The following CAMK2D variants were observed in gnomAD, a reference collection of about 807,000 sequenced individuals.
The protein encoded by CAMK2D is calcium/calmodulin-dependent protein kinase type II subunit delta.
In CAMK2D, 37 loss-of-function variants were observed where a neutral mutation model predicts 84.0. The ratio of observed to expected loss-of-function variants is 0.44; its 90% confidence interval spans 0.34 to 0.58. The LOEUF is 0.58. Ranked by LOEUF, CAMK2D falls within the 20% of genes least tolerant of loss-of-function variation. CAMK2D has a pLI of 0.02. For synonymous variants in CAMK2D, 202 were observed against 212.5 expected, an observed-to-expected ratio of 0.95 and a Z score of 0.43; for missense variants, 448 against 652.5, an observed-to-expected ratio of 0.69 and a Z score of 3.41.
chr4:113,743,556 C>T (rs1223728580), intron 2 of CAMK2D, among the ~76,000 whole-genome samples: 2 of 152,160 alleles, frequency 1.3e-5, no homozygotes, highest in South Asian at 4.2e-4. Context: ...CCCTCTTCTC[C>T]ACCTCAAAAC....
intron 3 of CAMK2D, among the ~76,000 whole-genome samples, chr4:113,612,216 A>G (rs1417145467): frequency 6.6e-6 from 1 of 152,196 alleles, no homozygotes; most frequent in Non-Finnish European, 1.5e-5. Flanking sequence ...AGTTGATGGT[A>G]TGTCTAAACG....
At chr4:113,619,413 C>A (rs999836816) in intron 3 of CAMK2D, among the ~76,000 whole-genome samples, 4 of 152,106 alleles carry the variant, frequency 2.6e-5, no homozygotes, top group Admixed American at 2.0e-4. Flanking sequence ...CAGAATCCTC[C>A]AATGGCTCTC....
intron 3 of CAMK2D, among the ~76,000 whole-genome samples, chr4:113,659,442 G>T (rs2099218232): frequency 6.6e-6 from 1 of 152,146 alleles, no homozygotes. Flanking sequence ...TGTATTATTT[G>T]CATATAGAGT....
intron 12 of CAMK2D, among the ~76,000 whole-genome samples, chr4:113,512,612 C>T (rs540171698): frequency 1.2e-4 from 18 of 152,202 alleles, no homozygotes; most frequent in East Asian, 5.8e-4. Context: ...CTCGCTCTGT[C>T]GCCAGGCTGG....
At chr4:113,505,127 CATGAAG>C (rs2098112945) in intron 13 of CAMK2D, 92 bp from the exon 14 acceptor site, 3 of 606,438 alleles carry the variant, frequency 4.9e-6, no homozygotes, top group Non-Finnish European at 8.1e-6. Flanking sequence ...GAGATGTAGA[CATGAAG>C]ATAAAGAGCC....
chr4:113,481,218 C>T (rs73841640), intron 16 of CAMK2D, among the ~76,000 whole-genome samples: 54 of 152,190 alleles, frequency 3.5e-4, no homozygotes, highest in African/African-American at 1.3e-3. Flanking sequence ...GCTGCTAGGA[C>T]ATGTCATGGT....
At chr4:113,744,796 T>C (rs1174231948) in intron 2 of CAMK2D, among the ~76,000 whole-genome samples, 1 of 152,240 alleles carries the variant, frequency 6.6e-6, no homozygotes, top group Non-Finnish European at 1.5e-5. Flanking sequence ...CAGCCAATGC[T>C]GGTAACCTAC....
chr4:113,463,793 A>G (rs1415678914), intron 17 of CAMK2D, among the ~76,000 whole-genome samples: 1 of 152,194 alleles, frequency 6.6e-6, no homozygotes, highest in Admixed American at 6.5e-5. Context: ...AACTCAACAT[A>G]ACCATTGTAC....
intron 6 of CAMK2D, among the ~76,000 whole-genome samples, chr4:113,546,526 T>C (rs1331630106): frequency 4.6e-5 from 7 of 152,230 alleles, no homozygotes; most frequent in African/African-American, 1.7e-4. Flanking sequence ...CTTCATGTAA[T>C]TGGTTTAGAG....
chr4:113,726,133 T>C (rs901032951), intron 2 of CAMK2D, among the ~76,000 whole-genome samples: 1 of 152,184 alleles, frequency 6.6e-6, no homozygotes, highest in Non-Finnish European at 1.5e-5. Context: ...GTCATAGATT[T>C]CCTGCTCTAA....
In CAMK2D at chr4:113,517,587, C is replaced by T; in HGVS notation, c.672G>A (p.Gln224=). The change falls in exon 9 of 21, where the codon CAG becomes CAA. Residue 224 remains glutamine, a synonymous_variant. Transcript: ENST00000511664. Reference sequence around the variant, plus strand: ...CATCATAAGCTCCAGCCTTGATCTGCTGATAGAGTCTGTGTTGGTCTTCAT... The same window carrying T: ...CATCATAAGCTCCAGCCTTGATCTGTTGATAGAGTCTGTGTTGGTCTTCAT... The part of the protein sequence containing the change: ...FWDEDQHRLY[Q]QIKAGAYDFP... 6.3e-7 allele frequency: 1 copy of T among 1,576,154 alleles called. No homozygotes were observed.
intron 2 of CAMK2D, among the ~76,000 whole-genome samples, chr4:113,718,369 T>G (rs2099519860): frequency 6.6e-6 from 1 of 152,150 alleles, no homozygotes; most frequent in Non-Finnish European, 1.5e-5. Flanking sequence ...GCTGTCCTCT[T>G]GTACTGAATC....
intron 4 of CAMK2D, among the ~76,000 whole-genome samples, chr4:113,585,386 C>A (rs17447200): frequency 6.6e-6 from 1 of 152,052 alleles, no homozygotes; most frequent in Middle Eastern, 3.5e-3. Flanking sequence ...TGTGTGTGCA[C>A]GGACACAAAC....
At chr4:113,560,062 T>C (rs1345123725) in intron 4 of CAMK2D, among the ~76,000 whole-genome samples, 1 of 152,148 alleles carries the variant, frequency 6.6e-6, no homozygotes, top group Non-Finnish European at 1.5e-5. Flanking sequence ...GATCCTCTGC[T>C]GGAGAGGAGA....
intron 16 of CAMK2D, among the ~76,000 whole-genome samples, chr4:113,486,968 G>C (rs2097771745): frequency 6.6e-6 from 1 of 152,160 alleles, no homozygotes; most frequent in Non-Finnish European, 1.5e-5. Context: ...CTAGAGTCTA[G>C]TTAGAAGACT....
intron 2 of CAMK2D, among the ~76,000 whole-genome samples, chr4:113,746,162 G>T (rs186636810): frequency 1.1e-3 from 172 of 152,282 alleles, no homozygotes; most frequent in African/African-American, 3.9e-3. Flanking sequence ...TGCATTCAGG[G>T]TGAAGGAGAA....
At chr4:113,658,957 T>C (rs1034753880) in intron 3 of CAMK2D, among the ~76,000 whole-genome samples, 5 of 152,220 alleles carry the variant, frequency 3.3e-5, no homozygotes, top group Admixed American at 6.5e-5. Context: ...TTGGCTGTTA[T>C]GGATCCTCGC....
At chr4:113,504,126 T>C (rs539077755) in intron 14 of CAMK2D, among the ~76,000 whole-genome samples, 2 of 152,328 alleles carry the variant, frequency 1.3e-5, no homozygotes, top group East Asian at 1.9e-4. Flanking sequence ...TTAACATTTT[T>C]AAATTTATTT....
intron 6 of CAMK2D, among the ~76,000 whole-genome samples, chr4:113,538,607 TG>T (rs1281834389): frequency 3.9e-5 from 6 of 152,236 alleles, no homozygotes. Flanking sequence ...TTTGTTTATA[TG>T]TTAATAAACA....
Sources: allele counts gnomAD v4.1 joint callset (sites outside exome capture counted in the v4.1 genomes callset), GRCh38; gene constraint gnomAD v4.1.1; transcripts MANE v1.5; gene names NCBI Gene and HGNC (gene_info 2026-07-23, HGNC 2026-07-21).